Variants in DLGAP1 observed in about 807,000 individuals in gnomAD.
DLGAP1 encodes DLG associated protein 1, also known as disks large-associated protein 1.
In DLGAP1, 11 loss-of-function variants were observed where a neutral mutation model predicts 90.8. The ratio of observed to expected loss-of-function variants is 0.12; its 90% confidence interval spans 0.08 to 0.20. The LOEUF is 0.20. Among genes scored for constraint, DLGAP1 ranks in the 10% least tolerant of loss-of-function variants. The pLI, the probability that DLGAP1 is intolerant of heterozygous loss-of-function variation, is 1.00. For synonymous variants in DLGAP1, 558 were observed against 540.7 expected (o/e 1.03, Z -0.44); for missense variants, 1,050 against 1,333.8 (o/e 0.79, Z 3.31).
At chr18:4,042,053 A>T (rs957280919) in intron 2 of DLGAP1, among the ~76,000 whole-genome samples, 3 of 152,330 alleles carry the variant, frequency 2.0e-5, no homozygotes, top group South Asian at 2.1e-4. Context: ...CACGTTTCTA[A>T]GAATTGTGTG....
chr18:3,844,247 C>T (rs1195709309), intron 4 of DLGAP1, among the ~76,000 whole-genome samples: 1 of 152,150 alleles, frequency 6.6e-6, no homozygotes, highest in Non-Finnish European at 1.5e-5. Context: ...ACTTTGTGAA[C>T]CTAAAGTCTC....
Position 4,287,111 on chromosome 18 carries a change from G to A in DLGAP1, c.-266-135824C>T, listed in dbSNP as rs191518082. 2.0e-4 allele frequency among the ~76,000 whole-genome samples: 31 copies of A among 152,308 alleles called. No individual in the cohort carries two copies. In the East Asian group the frequency reaches 6.0e-3, roughly 29 times the overall value. Reference sequence around the variant, plus strand: ...ATAGTAGATCTGATCACAGCTGGTAGTTTGGAACCAAGCCAAGCCGAGACC... The same window carrying A: ...ATAGTAGATCTGATCACAGCTGGTAATTTGGAACCAAGCCAAGCCGAGACC... On this transcript the variant is annotated intron_variant, in intron 1 of 12. Coordinates refer to ENST00000315677, the MANE Select transcript of DLGAP1 (RefSeq NM_004746.4).
At chr18:4,018,001 G>A (rs2074550320) in intron 2 of DLGAP1, among the ~76,000 whole-genome samples, 1 of 152,142 alleles carries the variant, frequency 6.6e-6, no homozygotes, top group Non-Finnish European at 1.5e-5. Flanking sequence ...TAATCTGGAC[G>A]CAGAAAATCA....
intron 2 of DLGAP1, among the ~76,000 whole-genome samples, chr18:4,025,985 CT>C (rs2074693184): frequency 6.6e-6 from 1 of 152,184 alleles, no homozygotes; most frequent in African/African-American, 2.4e-5. Flanking sequence ...TCTGTTTTCT[CT>C]TCCCAGGAAG....
intron 7 of DLGAP1, chr18:3,603,998 T>A (rs532856661): frequency 6.5e-6 from 1 of 154,310 alleles, no homozygotes; most frequent in Non-Finnish European, 1.5e-5. Context: ...AGAGCGTGCA[T>A]GAAGAAGAAA....
intron 7 of DLGAP1, among the ~76,000 whole-genome samples, chr18:3,644,295 G>A (rs920561512): frequency 4.6e-5 from 7 of 152,082 alleles, no homozygotes; most frequent in African/African-American, 1.7e-4. Context: ...TGTTATTGTA[G>A]CAAAACGTAA....
intron 4 of DLGAP1, among the ~76,000 whole-genome samples, chr18:3,848,127 C>CAAAAAAAAAAAAAAAAAAAAA (rs3862177): frequency 6.2e-5 from 2 of 32,078 alleles, no homozygotes; most frequent in African/African-American, 1.7e-4. Context: ...GGCCCCGTCT[C>CAAAAAAAAAAAAAAAAAAAAA]AAAAAAAAAA....
At chr18:3,963,720 T>G (rs2073257688) in intron 3 of DLGAP1, among the ~76,000 whole-genome samples, 1 of 152,084 alleles carries the variant, frequency 6.6e-6, no homozygotes, top group Admixed American at 6.6e-5. Flanking sequence ...TATATGCCCT[T>G]GTCCCTCACC....
At chr18:3,959,565 G>A (rs986898021) in intron 3 of DLGAP1, among the ~76,000 whole-genome samples, 7 of 152,046 alleles carry the variant, frequency 4.6e-5, no homozygotes, top group Admixed American at 1.3e-4. Flanking sequence ...TGCTTGGGAG[G>A]CTGAGGCAGA....
chr18:3,614,065 G>A (rs1312510734), intron 7 of DLGAP1, among the ~76,000 whole-genome samples: 1 of 152,080 alleles, frequency 6.6e-6, no homozygotes, highest in African/African-American at 2.4e-5. Flanking sequence ...GGGATTATAG[G>A]TGCCCACAAC....
At chr18:3,806,680 G>A (rs543316319) in intron 5 of DLGAP1, among the ~76,000 whole-genome samples, 10 of 152,212 alleles carry the variant, frequency 6.6e-5, no homozygotes, top group Admixed American at 5.9e-4. Flanking sequence ...CAGAAAAGAC[G>A]AAGGAATTTT....
At chr18:4,443,428 GA>G (rs2083585302) in intron 1 of DLGAP1, among the ~76,000 whole-genome samples, 1 of 152,190 alleles carries the variant, frequency 6.6e-6, no homozygotes, top group South Asian at 2.1e-4. Flanking sequence ...TTCTGCAGCA[GA>G]AGGGATGGCA....
chr18:4,017,137 G>C (rs906285458), intron 2 of DLGAP1, among the ~76,000 whole-genome samples: 2 of 152,148 alleles, frequency 1.3e-5, no homozygotes, highest in African/African-American at 4.8e-5. Flanking sequence ...TGTGTTCTTA[G>C]AACAGGACAG....
At chr18:3,913,175 C>T (rs764056888) in intron 3 of DLGAP1, among the ~76,000 whole-genome samples, 33 of 152,112 alleles carry the variant, frequency 2.2e-4, no homozygotes, top group Non-Finnish European at 8.8e-5. Flanking sequence ...AATGCAGCCT[C>T]GACCTTCTGG....
At chr18:4,432,538 G>C (rs1244952835) in intron 1 of DLGAP1, among the ~76,000 whole-genome samples, 2 of 151,502 alleles carry the variant, frequency 1.3e-5, no homozygotes, top group African/African-American at 4.9e-5. Flanking sequence ...TTTGATATAT[G>C]TGTCCACTGT....
At chr18:4,441,113 C>G (rs1342294556) in intron 1 of DLGAP1, among the ~76,000 whole-genome samples, 2 of 152,228 alleles carry the variant, frequency 1.3e-5, no homozygotes, top group Non-Finnish European at 2.9e-5. Flanking sequence ...CAAAGCCAGG[C>G]TTGTTCATTG....
chr18:3,674,498 T>G lies in DLGAP1; in HGVS notation c.1591+54637A>C, dbSNP rs190086955. On this transcript the variant is annotated intron_variant, in intron 7 of 12. Transcript: ENST00000315677. ...AGCTGGGCGCACTGGTGCATACTTGTGATCCCAGCTACTCATGAGGCTGAG... is the reference window on the plus strand; with the variant it reads ...AGCTGGGCGCACTGGTGCATACTTGGGATCCCAGCTACTCATGAGGCTGAG... 3.0e-3 allele frequency among the ~76,000 whole-genome samples: 463 copies of G among 151,946 alleles called. 3 individuals carry two copies. The highest frequency in any genetic ancestry group is 5.4e-3 in the Non-Finnish European group (368 of 67,970).
intron 1 of DLGAP1, among the ~76,000 whole-genome samples, chr18:4,311,385 T>C (rs1167991915): frequency 1.3e-5 from 2 of 152,232 alleles, no homozygotes; most frequent in African/African-American, 2.4e-5. Flanking sequence ...CGGCTTTATT[T>C]AGATAATAAG....
At chr18:4,411,308 C>G (rs1398973092) in intron 1 of DLGAP1, among the ~76,000 whole-genome samples, 3 of 152,136 alleles carry the variant, frequency 2.0e-5, no homozygotes, top group Non-Finnish European at 4.4e-5. Context: ...ACTGATAGCC[C>G]CTGGGATGAG....
Sources: allele counts gnomAD v4.1 joint callset (sites outside exome capture counted in the v4.1 genomes callset), GRCh38; gene constraint gnomAD v4.1.1; transcripts MANE v1.5; gene names NCBI Gene and HGNC (gene_info 2026-07-23, HGNC 2026-07-21).